The following PAM variants were observed in gnomAD, a reference collection of about 807,000 sequenced individuals.
PAM encodes the protein peptidyl-glycine alpha-amidating monooxygenase.
Under a neutral mutation model 122.1 loss-of-function variants are expected in PAM, and 72 were observed. The ratio of observed to expected loss-of-function variants is 0.59; its 90% confidence interval spans 0.49 to 0.72. PAM has a LOEUF of 0.72. PAM is among the 30% of genes least tolerant of loss of function. The pLI is 0.00. For synonymous variants in PAM, 389 were observed against 404.4 expected (o/e 0.96, Z 0.46); for missense variants, 1,106 against 1,183.7 (o/e 0.93, Z 0.96).
Position 103,029,273 on chromosome 5 carries a change from T to C in PAM, c.*208T>C, listed in dbSNP as rs1197758593. The C allele has an allele frequency of 2.5e-6, 1 of 406,390 alleles. No individual in the cohort carries two copies. Among genetic ancestry groups the C allele is most frequent in the African/African-American group, 2.1e-5 (1 of 48,568 alleles). The allele number at this position is 406,390 out of a possible 1,614,324, so 25.2% of individuals were successfully genotyped here. On this transcript the variant is annotated 3_prime_UTR_variant, in exon 26 of 26. Transcript: ENST00000438793. Reference sequence around the variant, plus strand: ...AAGTTCATAACAGTGCCATTGTCTTTATATGAACATAGACTAGAGAAACCG... The same window carrying C: ...AAGTTCATAACAGTGCCATTGTCTTCATATGAACATAGACTAGAGAAACCG...
intron 4 of PAM, among the ~76,000 whole-genome samples, chr5:102,904,935 T>TTGTG (rs1799079134): frequency 6.6e-6 from 1 of 151,690 alleles, no homozygotes. Context: ...TATATGCCTG[T>TTGTG]TATATTTACA....
intron 7 of PAM, among the ~76,000 whole-genome samples, chr5:102,929,987 G>C (rs1050025604): frequency 6.6e-6 from 1 of 151,792 alleles, no homozygotes; most frequent in African/African-American, 2.4e-5. Context: ...GACCATCCCT[G>C]TTTTAGACTG....
At chr5:102,831,437 C>CTT (rs60621758) in intron 1 of PAM, among the ~76,000 whole-genome samples, 1 of 148,840 alleles carries the variant, frequency 6.7e-6, no homozygotes, top group Non-Finnish European at 1.5e-5. Flanking sequence ...TTTTTTTTTC[C>CTT]TTTTTTTTTT....
intron 5 of PAM, among the ~76,000 whole-genome samples, chr5:102,923,125 C>T (rs1748024712): frequency 6.6e-6 from 1 of 152,170 alleles, no homozygotes; most frequent in African/African-American, 2.4e-5. Context: ...CTAAGTATAA[C>T]CTTATCAAGA....
chr5:102,796,292 G>C (rs1228165020), intron 1 of PAM, among the ~76,000 whole-genome samples: 1 of 152,122 alleles, frequency 6.6e-6, no homozygotes, highest in Non-Finnish European at 1.5e-5. Flanking sequence ...CAGGTTTGTC[G>C]GTCAATAGTC....
intron 1 of PAM, among the ~76,000 whole-genome samples, chr5:102,861,880 C>G (rs1005893094): frequency 6.6e-6 from 1 of 151,828 alleles, no homozygotes; most frequent in Admixed American, 6.6e-5. Flanking sequence ...ATAAAATATG[C>G]CTTTGGAGGC....
intron 15 of PAM, among the ~76,000 whole-genome samples, chr5:102,975,354 A>G (rs1171584025): frequency 6.6e-6 from 1 of 152,170 alleles, no homozygotes; most frequent in African/African-American, 2.4e-5. Context: ...TTTTATTTAT[A>G]ATTGAAAAAA....
intron 1 of PAM, among the ~76,000 whole-genome samples, chr5:102,779,919 A>G (rs1203579076): frequency 2.2e-5 from 1 of 45,770 alleles, no homozygotes; most frequent in Non-Finnish European, 4.1e-5. Context: ...ATATATATAT[A>G]CACACATATA....
chr5:102,755,762 C>A (rs1213581993), intron 1 of PAM, among the ~76,000 whole-genome samples: 1 of 151,942 alleles, frequency 6.6e-6, no homozygotes, highest in Non-Finnish European at 1.5e-5. Flanking sequence ...GCCTAGAAAG[C>A]CTCCTCGGTT....
intron 15 of PAM, among the ~76,000 whole-genome samples, chr5:102,988,445 A>G (rs1319399405): frequency 6.6e-6 from 1 of 152,124 alleles, no homozygotes; most frequent in Non-Finnish European, 1.5e-5. Flanking sequence ...TCATATTCCT[A>G]TCCTATTATA....
At chr5:102,760,998 T>G (rs755627432) in intron 1 of PAM, among the ~76,000 whole-genome samples, 35 of 152,196 alleles carry the variant, frequency 2.3e-4, no homozygotes, top group Admixed American at 1.4e-3. Context: ...AACACTGTCT[T>G]GAGCTTTGTC....
At chr5:102,757,881 TAAAAG>T (rs1483144560) in intron 1 of PAM, among the ~76,000 whole-genome samples, 1 of 150,250 alleles carries the variant, frequency 6.7e-6, no homozygotes, top group African/African-American at 2.4e-5. Context: ...CAAAAAATAT[TAAAAG>T]AAAAAAAAAG....
intron 16 of PAM, among the ~76,000 whole-genome samples, chr5:102,994,671 C>T (rs1223180480): frequency 3.3e-5 from 5 of 152,004 alleles, no homozygotes; most frequent in African/African-American, 1.2e-4. Context: ...AAAAATTGTG[C>T]TGATATTTTT....
chr5:102,836,889 A>AGAGAGG (rs1777233984), intron 1 of PAM, among the ~76,000 whole-genome samples: 1 of 151,820 alleles, frequency 6.6e-6, no homozygotes, highest in African/African-American at 2.4e-5. Context: ...AGAGAGAGAG[A>AGAGAGG]GAGAGAGAGG....
At chr5:102,868,354 A>T (rs1260610845) in intron 3 of PAM, among the ~76,000 whole-genome samples, 1 of 152,212 alleles carries the variant, frequency 6.6e-6, no homozygotes, top group Non-Finnish European at 1.5e-5. Flanking sequence ...AGCTTTAGAG[A>T]ATACACATGG....
intron 8 of PAM, among the ~76,000 whole-genome samples, chr5:102,947,898 A>G (rs577955512): frequency 6.6e-6 from 1 of 152,208 alleles, no homozygotes; most frequent in Admixed American, 6.5e-5. Context: ...TAAGTCCTAA[A>G]TCCATTGAGC....
intron 1 of PAM, among the ~76,000 whole-genome samples, chr5:102,777,145 A>C (rs1361216377): frequency 6.6e-6 from 1 of 152,158 alleles, no homozygotes; most frequent in Non-Finnish European, 1.5e-5. Context: ...ACCATGTAGC[A>C]ATAAAAATGG....
intron 12 of PAM, among the ~76,000 whole-genome samples, chr5:102,953,820 C>T (rs1759793489): frequency 1.3e-5 from 2 of 152,164 alleles, no homozygotes; most frequent in South Asian, 4.1e-4. Context: ...TCAAGACCAG[C>T]TTGGCCAACA....
chr5:103,030,829 G>C (rs1182887797), downstream of PAM: 1 of 152,190 alleles, frequency 6.6e-6, no homozygotes, highest in Non-Finnish European at 1.5e-5. Flanking sequence ...ATACAGGTAT[G>C]GTTCATGTTT....
Sources: gnomAD v4.1 joint callset for allele counts (sites outside exome capture counted in the v4.1 genomes callset) on GRCh38, gnomAD v4.1.1 for gene constraint, MANE v1.5 for transcripts, NCBI Gene and HGNC (gene_info 2026-07-23, HGNC 2026-07-21) for gene names.